The following GLIS3 variants were observed in gnomAD, a reference collection of about 807,000 sequenced individuals.
GLIS3 encodes the protein GLIS family zinc finger 3.
In GLIS3, 53 loss-of-function variants were observed where a neutral mutation model predicts 78.6. The observed-to-expected ratio is 0.67, with a 90% CI of 0.54 to 0.85. The LOEUF is 0.85. Among genes scored for constraint, GLIS3 ranks in the 40% least tolerant of loss-of-function variants. The pLI is 0.00. For missense variants in GLIS3, 1,703 were observed against 1,231.1 expected (o/e 1.38, Z -5.74); for synonymous variants, 684 against 509.9 (o/e 1.34, Z -4.60).
rs370648246 is a variant in GLIS3, at chr9:4,186,203, G to A, written c.389-60262C>T. On this transcript the variant is annotated intron_variant, in intron 2 of 10. Coordinates refer to ENST00000381971, the MANE Select transcript of GLIS3 (RefSeq NM_001042413.2). Reference sequence around the variant, plus strand: ...GTGATGTTCCCCTTCCTGTGTCCACGTGTTCTCATTGTTCAATTCTCACCT... The same window carrying A: ...GTGATGTTCCCCTTCCTGTGTCCACATGTTCTCATTGTTCAATTCTCACCT... Among the ~76,000 whole-genome samples, 9 of 132,932 alleles carry A rather than the reference G, an allele frequency of 6.8e-5. No homozygotes were observed. In the East Asian group the frequency reaches 1.2e-3, roughly 17 times the overall value. The allele number at this position is 132,932 out of a possible 152,430, so 87.2% of individuals were successfully genotyped here. A position where few individuals can be genotyped will look rare whatever the true frequency, so the allele number is the denominator to read the frequency against.
Position 3,855,752 on chromosome 9 carries a change from G to A in GLIS3, c.2473+257C>T, listed in dbSNP as rs1170691799. ...AAACAGGATGCTATTGCTGGTGTTA[G>A]AGCCCTGGCCAATGAAAAAACCAGC... On this transcript the variant is annotated intron_variant, in intron 9 of 10. Coordinates refer to ENST00000381971, the MANE Select transcript of GLIS3 (RefSeq NM_001042413.2). 1.9e-5 allele frequency: 9 copies of A among 476,148 alleles called. No homozygotes were observed. The Admixed American group carries it at 2.0e-4, about 10-fold the overall frequency. 29.5% of individuals were successfully genotyped at this position (476,148 alleles called of 1,614,324 possible).
intron 4 of GLIS3, among the ~76,000 whole-genome samples, chr9:3,940,910 C>T (rs1042486796): frequency 2.0e-5 from 3 of 152,128 alleles, no homozygotes; most frequent in African/African-American, 7.2e-5. Context: ...TACGGCTGGG[C>T]AGGTTACATA....
chr9:4,169,639 T>C lies in GLIS3; in HGVS notation c.389-43698A>G, dbSNP rs1816197680. Among the ~76,000 whole-genome samples the C allele has an allele frequency of 2.0e-5, 3 of 152,210 alleles. No individual in the cohort carries two copies. The South Asian group carries it at 6.2e-4, about 32-fold the overall frequency. On this transcript the variant is annotated intron_variant, in intron 2 of 10. Coordinates refer to ENST00000381971, the MANE Select transcript of GLIS3 (RefSeq NM_001042413.2). Reference sequence around the variant, plus strand: ...GTTGTACTGTAGTTAAGAGAATAACTTGCATAAGAAAATGTGCATGTTTGT... The same window carrying C: ...GTTGTACTGTAGTTAAGAGAATAACCTGCATAAGAAAATGTGCATGTTTGT...
chr9:4,340,755 G>C (rs1275581358), intron 2 of GLIS3, among the ~76,000 whole-genome samples: 1 of 152,096 alleles, frequency 6.6e-6, no homozygotes, highest in African/African-American at 2.4e-5. Flanking sequence ...GAGTTCAGTG[G>C]CACTATCTCA....
chr9:4,188,215 G>A (rs1283557911), intron 2 of GLIS3, among the ~76,000 whole-genome samples: 1 of 151,662 alleles, frequency 6.6e-6, no homozygotes, highest in African/African-American at 2.4e-5. Context: ...AAGGGTTGTT[G>A]AATTTTGTCA....
chr9:4,148,531 T>G (rs16920780), intron 2 of GLIS3, among the ~76,000 whole-genome samples: 58,618 of 151,920 alleles, frequency 0.39, 11,886 homozygotes, highest in Middle Eastern at 0.5. Context: ...TGTGGATCAA[T>G]TCTACCTCAT....
intron 3 of GLIS3, among the ~76,000 whole-genome samples, chr9:4,309,813 C>T (rs1020936136): frequency 1.3e-5 from 2 of 151,900 alleles, no homozygotes; most frequent in South Asian, 2.1e-4. Flanking sequence ...AGCTTAGAAG[C>T]GCTGGGATAA....
chr9:4,359,285 G>A, the GLIS3 span, among the ~76,000 whole-genome samples: 2 of 151,826 alleles, frequency 1.3e-5, no homozygotes, highest in Admixed American at 6.6e-5. Context: ...GGCTGGAACT[G>A]GCATATGGCT....
intron 2 of GLIS3, among the ~76,000 whole-genome samples, chr9:4,158,381 CG>C (rs1835201459): frequency 6.6e-6 from 1 of 152,122 alleles, no homozygotes; most frequent in South Asian, 2.1e-4. Flanking sequence ...CCCTCTGTCA[CG>C]GAATTATCTG....
chr9:4,292,230 A>T (rs1816050209), intron 1 of GLIS3, among the ~76,000 whole-genome samples: 1 of 152,164 alleles, frequency 6.6e-6, no homozygotes. Flanking sequence ...TTCAACGGAG[A>T]AAGCATTATT....
intron 2 of GLIS3, among the ~76,000 whole-genome samples, chr9:4,148,846 G>A (rs928742512): frequency 1.3e-5 from 2 of 152,080 alleles, no homozygotes; most frequent in African/African-American, 4.8e-5. Flanking sequence ...GGCCAGAGCT[G>A]CCACTTTGTT....
chr9:4,347,201 G>A (rs922375970), intron 1 of GLIS3: 2 of 152,150 alleles, frequency 1.3e-5, no homozygotes, highest in African/African-American at 4.8e-5. Context: ...GAGATCACAT[G>A]ACAAGAAAGA....
At chr9:4,045,358 C>T (rs948328018) in intron 4 of GLIS3, among the ~76,000 whole-genome samples, 9 of 151,932 alleles carry the variant, frequency 5.9e-5, no homozygotes, top group Admixed American at 3.9e-4. Context: ...TTTTTTGAGC[C>T]GGAATCTCGC....
At chr9:4,195,036 A>C (rs911234432) in intron 2 of GLIS3, among the ~76,000 whole-genome samples, 7 of 152,242 alleles carry the variant, frequency 4.6e-5, no homozygotes, top group Non-Finnish European at 1.0e-4. Flanking sequence ...GGGCCTCCAC[A>C]GCCAGAACTG....
chr9:4,349,123 T>C (rs967669709), upstream of GLIS3, among the ~76,000 whole-genome samples: 3 of 152,208 alleles, frequency 2.0e-5, no homozygotes, highest in South Asian at 2.1e-4. Flanking sequence ...TAAACATCAG[T>C]TGATCCCTCA....
In GLIS3 at chr9:4,286,333, G is replaced by C; in HGVS notation, c.93C>G (p.Ile31Met). 2.5e-6 allele frequency: 4 copies of C among 1,614,208 alleles called. No individual in the cohort carries two copies. In the South Asian group the frequency reaches 3.3e-5, roughly 13 times the overall value. Reference sequence around the variant, plus strand: ...GGCCAGGAGTCCCGGAGTGGGCTCGGATGGCAGGAATGTGATGACCACTGA... The same window carrying C: ...GGCCAGGAGTCCCGGAGTGGGCTCGCATGGCAGGAATGTGATGACCACTGA... ...RMVSGHHIPA[I>M]RAHSGTPGPS... Residue 31 changes from isoleucine to methionine, a missense_variant, in exon 2 of 11, where the codon ATC becomes ATG. Coordinates refer to ENST00000381971, the MANE Select transcript of GLIS3 (RefSeq NM_001042413.2).
intron 2 of GLIS3, among the ~76,000 whole-genome samples, chr9:4,282,736 T>C (rs566451185): frequency 6.8e-6 from 1 of 147,652 alleles, no homozygotes; most frequent in South Asian, 2.2e-4. Context: ...TTATAACAAA[T>C]TTCTTTATAT....
At chr9:4,009,936 C>T (rs1337365321) in intron 4 of GLIS3, among the ~76,000 whole-genome samples, 1 of 152,284 alleles carries the variant, frequency 6.6e-6, no homozygotes, top group Non-Finnish European at 1.5e-5. Flanking sequence ...CCCTTCTGCT[C>T]CCAAGTTTTC....
chr9:3,900,186 TAAAA>T (rs112638097), intron 6 of GLIS3, among the ~76,000 whole-genome samples: 4 of 128,866 alleles, frequency 3.1e-5, no homozygotes, highest in Admixed American at 7.9e-5. Flanking sequence ...CAGAAACTGT[TAAAA>T]AAAAAAAAAA....
Sources: allele counts gnomAD v4.1 joint callset (sites outside exome capture counted in the v4.1 genomes callset), GRCh38; gene constraint gnomAD v4.1.1; transcripts MANE v1.5; gene names NCBI Gene and HGNC (gene_info 2026-07-23, HGNC 2026-07-21).